The following SEPTIN11 variants were observed in gnomAD, a reference collection of about 807,000 sequenced individuals.
The protein encoded by SEPTIN11 is septin-11.
Under a neutral mutation model 51.4 loss-of-function variants are expected in SEPTIN11, and 25 were observed. The observed-to-expected ratio is 0.49, with a 90% CI of 0.35 to 0.68. SEPTIN11 has a LOEUF of 0.68. SEPTIN11 is among the 30% of genes least tolerant of loss of function. The pLI is 0.00. For synonymous variants in SEPTIN11, 174 were observed against 184.1 expected (o/e 0.95, Z 0.44); for missense variants, 381 against 520.8 (o/e 0.73, Z 2.61).
At chr4:77,033,227 G>T (rs1383900437) in intron 9 of SEPTIN11, among the ~76,000 whole-genome samples, 3 of 152,120 alleles carry the variant, frequency 2.0e-5, no homozygotes, top group Non-Finnish European at 4.4e-5. Flanking sequence ...ACCGCAGAAA[G>T]ACAGTGGCCA....
chr4:76,996,391 T>C, intron 1 of SEPTIN11, 34 bp from the exon 2 acceptor site: 1 of 1,437,818 alleles, frequency 7.0e-7, no homozygotes, highest in Non-Finnish European at 9.8e-7. Context: ...GCATGGTTCA[T>C]GGACACTCAA....
intron 7 of SEPTIN11, among the ~76,000 whole-genome samples, 194 bp from the exon 8 acceptor site, chr4:77,028,435 T>C (rs141685107): frequency 1.3e-5 from 2 of 152,372 alleles, no homozygotes; most frequent in Non-Finnish European, 2.9e-5. Context: ...CTGACTGATT[T>C]CTAGTTCTTG....
rs76952189 is a variant in SEPTIN11 at position 77,016,170 on chromosome 4, A to G, written c.687+1153A>G. Among the ~76,000 whole-genome samples the G allele has an allele frequency of 7.3e-3, 1,110 of 152,218 alleles. 38 individuals carry two copies. The highest frequency in any genetic ancestry group is 0.07 in the East Asian group (361 of 5,180). ...CTGACATTTTTCACATTTCTGGAGC[A>G]TTTACTATGCACCAGGAACTGTTCA... On this transcript the variant is annotated intron_variant, in intron 5 of 9. Transcript: ENST00000264893.
At chr4:76,950,081 G>C in intron 1 of SEPTIN11, 151 bp downstream of exon 1, 1 of 797,066 alleles carries the variant, frequency 1.3e-6, no homozygotes, top group South Asian at 2.7e-5. Flanking sequence ...TTGGGCGCGC[G>C]TCTGGGGTCG....
chr4:76,953,922 T>C (rs1035677415), intron 1 of SEPTIN11, among the ~76,000 whole-genome samples: 1 of 152,208 alleles, frequency 6.6e-6, no homozygotes, highest in African/African-American at 2.4e-5. Context: ...AGGTGTTTAG[T>C]CTATTTCACC....
chr4:76,975,801 G>A (rs1230745274), intron 1 of SEPTIN11, among the ~76,000 whole-genome samples: 1 of 152,196 alleles, frequency 6.6e-6, no homozygotes, highest in African/African-American at 2.4e-5. Flanking sequence ...TCTACTCTCT[G>A]TATCTTTACC....
intron 1 of SEPTIN11, among the ~76,000 whole-genome samples, chr4:76,964,667 C>T (rs989183773): frequency 2.0e-5 from 3 of 152,118 alleles, no homozygotes; most frequent in Admixed American, 6.5e-5. Flanking sequence ...ATTTCATCAC[C>T]ATCATCATCA....
intron 2 of SEPTIN11, among the ~76,000 whole-genome samples, chr4:77,005,014 C>T (rs1339822881): frequency 6.6e-6 from 1 of 152,082 alleles, no homozygotes; most frequent in Admixed American, 6.6e-5. Flanking sequence ...AGAGATAATG[C>T]ACTAGAAGCT....
chr4:76,961,941 T>C (rs1721842195), intron 1 of SEPTIN11, among the ~76,000 whole-genome samples: 1 of 152,236 alleles, frequency 6.6e-6, no homozygotes, highest in Admixed American at 6.5e-5. Flanking sequence ...CATCGCCTAA[T>C]TTAATGTTTT....
At chr4:77,005,509 T>C (rs1358225636) in intron 2 of SEPTIN11, 92 bp from the exon 3 acceptor site, 1 of 1,191,448 alleles carries the variant, frequency 8.4e-7, no homozygotes, top group Non-Finnish European at 1.2e-6. Context: ...TTTTAAACTT[T>C]ATAATCATGA....
intron 3 of SEPTIN11, chr4:77,010,131 T>C (rs917565851): frequency 2.0e-5 from 3 of 152,198 alleles, no homozygotes; most frequent in Non-Finnish European, 2.9e-5. Flanking sequence ...TATTGGCTCA[T>C]TTATTTGTCA....
chr4:77,005,486 G>T, intron 2 of SEPTIN11, 115 bp from the exon 3 acceptor site: 1 of 871,336 alleles, frequency 1.1e-6, no homozygotes, highest in South Asian at 1.9e-5. Flanking sequence ...CATTTCTGGT[G>T]ACAGTTTTTC....
Position 77,028,685 on chromosome 4 carries a change from A to G in SEPTIN11, c.1010A>G (p.Lys337Arg), listed in dbSNP as rs752998062. The change falls in exon 8 of 10, where the codon AAA (lysine) becomes AGA (arginine). Residue 337 changes from lysine (K) to arginine (R), a missense_variant. Coordinates refer to ENST00000264893, the MANE Select transcript of SEPTIN11 (RefSeq NM_018243.4). ...RNEFLGELQK[K>R]EEEMRQMFVM... ...GAATTCCTGGGAGAACTGCAGAAGA[A>G]AGAAGAAGAAATGAGACAAATGTTT... The G allele has an allele frequency of 6.2e-7, 1 of 1,613,808 alleles. No individual in the cohort carries two copies. Among genetic ancestry groups the G allele is most frequent in the South Asian group, 1.1e-5 (1 of 90,992 alleles).
chr4:77,028,870 T>G, intron 8 of SEPTIN11, 109 bp downstream of exon 8: 2 of 1,218,960 alleles, frequency 1.6e-6, no homozygotes, highest in South Asian at 4.2e-5. Context: ...TACATGCATT[T>G]TGTCACGAGT....
chr4:76,968,106 GGTTGA>G (rs1008560571), intron 1 of SEPTIN11, among the ~76,000 whole-genome samples: 11 of 152,098 alleles, frequency 7.2e-5, no homozygotes, highest in African/African-American at 2.7e-4. Flanking sequence ...TTCTATTTTT[GGTTGA>G]GTTCCAATGA....
Position 77,035,495 on chromosome 4 carries a change from C to G in SEPTIN11, c.*983C>G, listed in dbSNP as rs1726964522. 1 of 985,184 alleles carries G rather than the reference C, an allele frequency of 1.0e-6. No homozygotes were observed. Among genetic ancestry groups the G allele is most frequent in the Non-Finnish European group, 1.2e-6 (1 of 829,904 alleles). The allele number at this position is 985,184 out of a possible 1,614,324, so 61.0% of individuals were successfully genotyped here. On this transcript the variant is annotated 3_prime_UTR_variant, in exon 10 of 10. Transcript: ENST00000264893. ...TCCCTTAGAAAATTTGCTATAAACTCTGTATCATTGGTAGCACAAATTTGA... is the reference window on the plus strand; with the variant it reads ...TCCCTTAGAAAATTTGCTATAAACTGTGTATCATTGGTAGCACAAATTTGA...
rs115625407 is a variant in SEPTIN11, at chr4:77,037,900, A to G, written c.*3388A>G. 1.3e-3 allele frequency: 1,312 copies of G among 985,926 alleles called. 13 individuals are homozygous for G. The African/African-American group carries it at 0.021, about 16-fold the overall frequency. The allele number at this position is 985,926 out of a possible 1,614,324, so 61.1% of individuals were successfully genotyped here. ...TTCCTTCTCTGCTTTGTGACTCACC[A>G]GCAGTAACACACACAATCCACATCT... On this transcript the variant is annotated 3_prime_UTR_variant, in exon 10 of 10. Coordinates refer to ENST00000264893, the MANE Select transcript of SEPTIN11 (RefSeq NM_018243.4).
chr4:76,994,578 G>GTC (rs1305904587), intron 1 of SEPTIN11, among the ~76,000 whole-genome samples: 1 of 152,206 alleles, frequency 6.6e-6, no homozygotes, highest in Non-Finnish European at 1.5e-5. Context: ...GACATCTGTT[G>GTC]TCTGTCCCAT....
chr4:77,030,868 A>G lies in SEPTIN11; in HGVS notation c.1172A>G (p.Glu391Gly). 1 of 1,613,980 alleles carries G rather than the reference A, an allele frequency of 6.2e-7. No homozygotes were observed. Among genetic ancestry groups the G allele is most frequent in the Non-Finnish European group, 8.5e-7 (1 of 1,179,980 alleles). ...VEDKKKELEE[E>G]VNNFQKKKAA... ...GACAAGAAGAAGGAGCTTGAGGAGG[A>G]GGTGAACAACTTCCAGAAGAAGAAA... Residue 391 changes from glutamate (E) to glycine (G), a missense_variant, in exon 9 of 10, where the codon GAG (glutamate) becomes GGG (glycine). Physicochemically the swap from Glu to Gly is moderately conservative, Grantham distance 98. Around this residue, in one of 2 missense-constraint regions of SEPTIN11, gnomAD observed 197 missense variants for 313.1 expected, o/e 0.63. Coordinates refer to ENST00000264893, the MANE Select transcript of SEPTIN11 (RefSeq NM_018243.4).
Sources: allele counts gnomAD v4.1 joint callset (sites outside exome capture counted in the v4.1 genomes callset), GRCh38; gene constraint gnomAD v4.1.1; regional missense constraint gnomAD v4.1.1; transcripts MANE v1.5; gene names NCBI Gene and HGNC (gene_info 2026-07-23, HGNC 2026-07-21).